The following CREB5 variants were observed in gnomAD, a reference collection of about 807,000 sequenced individuals.
The protein encoded by CREB5 is cAMP responsive element binding protein 5.
A neutral mutation model predicts 57.1 loss-of-function variants in CREB5; 19 were observed. The observed-to-expected ratio is 0.33, with a 90% CI of 0.23 to 0.49. The LOEUF (loss-of-function observed/expected upper bound fraction) is 0.49. Ranked by LOEUF, CREB5 falls within the 20% of genes least tolerant of loss-of-function variation. The pLI is 0.99. For missense variants in CREB5, 579 were observed against 671.6 expected (o/e 0.86, Z 1.52); for synonymous variants, 238 against 238.3 (o/e 1.00, Z 0.01).
At position 28,580,429 on chromosome 7, in the gene CREB5, CCA is replaced by C. The variant is rs70977058; in HGVS notation, c.464+9925_464+9926del. ...CTAGATTTGTCCCAATCCCCCCCCA[CCA>C]CACACACACACACACACACACACAC... On this transcript the variant is annotated intron_variant, in intron 5 of 10. Transcript: ENST00000357727. Among the ~76,000 whole-genome samples the C allele has an allele frequency of 1.4e-3, 188 of 130,856 alleles. 1 individual carries two copies. The highest frequency in any genetic ancestry group is 8.1e-3 in the Middle Eastern group (2 of 246). 85.8% of individuals were successfully genotyped at this position (130,856 alleles called of 152,430 possible).
chr7:28,340,181 T>G (rs115735415), intron 1 of CREB5, among the ~76,000 whole-genome samples: 1,589 of 152,222 alleles, frequency 0.01, 22 homozygotes, highest in African/African-American at 0.037. Flanking sequence ...TGTTTACACT[T>G]TACCCTGCTT....
At chr7:28,556,010 A>G (rs942907653) in intron 4 of CREB5, among the ~76,000 whole-genome samples, 6 of 152,286 alleles carry the variant, frequency 3.9e-5, no homozygotes, top group Admixed American at 2.6e-4. Context: ...TTTCACAGGA[A>G]TGAGAGGTTG....
chr7:28,800,335 G>C (rs994717837), intron 7 of CREB5, among the ~76,000 whole-genome samples: 1 of 151,994 alleles, frequency 6.6e-6, no homozygotes, highest in Non-Finnish European at 1.5e-5. Flanking sequence ...CCCATGTCTG[G>C]AGGGTGCATG....
chr7:28,658,981 G>GTGTATA (rs1799477666), intron 5 of CREB5, among the ~76,000 whole-genome samples: 3 of 90,086 alleles, frequency 3.3e-5, no homozygotes, highest in Admixed American at 1.1e-4. Context: ...ATATATATAT[G>GTGTATA]TATATATAAG....
rs563341840 is a variant in CREB5, at chr7:28,345,877, G to A, written c.-25+46436G>A. ...AACACAGGGAGTGCTGGTGATGAGG[G>A]TGGGTGGCATGGCAGGGGCTTATCC... On this transcript the variant is annotated intron_variant, in intron 1 of 9. Transcript: ENST00000396299. Among the ~76,000 whole-genome samples, 247 of 152,260 alleles carry A rather than the reference G, an allele frequency of 1.6e-3. 2 individuals carry two copies. In the South Asian group the frequency reaches 0.017, roughly 11 times the overall value.
intron 5 of CREB5, among the ~76,000 whole-genome samples, chr7:28,598,008 G>C (rs1307965704): frequency 1.4e-3 from 8 of 5,822 alleles, no homozygotes; most frequent in Non-Finnish European, 3.7e-3. Context: ...GCTAGAACTA[G>C]GATGTATTTA....
At chr7:28,487,174 G>A (rs772263115) in intron 1 of CREB5, among the ~76,000 whole-genome samples, 2 of 151,980 alleles carry the variant, frequency 1.3e-5, no homozygotes, top group African/African-American at 4.8e-5. Context: ...GCACCACCAC[G>A]CCCGGCTAAT....
At chr7:28,679,613 A>C (rs1315343025) in intron 5 of CREB5, among the ~76,000 whole-genome samples, 1 of 152,182 alleles carries the variant, frequency 6.6e-6, no homozygotes, top group African/African-American at 2.4e-5. Context: ...CCTCTACTCC[A>C]ACCCTCATCC....
chr7:28,332,849 T>G (rs1054683193), intron 1 of CREB5, among the ~76,000 whole-genome samples: 5 of 152,218 alleles, frequency 3.3e-5, no homozygotes, highest in African/African-American at 1.2e-4. Context: ...ATTCCTATAA[T>G]GTATTTAACC....
rs1054832370 is a variant in CREB5, at chr7:28,809,252, G to A, written c.1092G>A (p.Gly364=). Residue 364 remains glycine, a synonymous_variant, in exon 9 of 11, where the codon GGG becomes GGA. Coordinates refer to ENST00000357727, the MANE Select transcript of CREB5 (RefSeq NM_182898.4). ...QTIQPPQPTG[G]RRRRVVDEDP... is the part of the protein sequence containing the mutation. The stretch of plus-strand genomic sequence containing the variant: ...TACAGCCACCCCAGCCCACAGGGGG[G>A]CGCCGGCGAAGGGTGGTAGACGAGG... 6.2e-7 allele frequency: 1 copy of A among 1,614,168 alleles called. No individual in the cohort carries two copies. Among genetic ancestry groups the A allele is most frequent in the Admixed American group, 1.7e-5 (1 of 60,028 alleles).
chr7:28,729,123 T>A (rs956487485), intron 7 of CREB5, among the ~76,000 whole-genome samples: 5 of 152,182 alleles, frequency 3.3e-5, no homozygotes, highest in South Asian at 2.1e-4. Flanking sequence ...CATTAATGAA[T>A]CAATGAAAGA....
chr7:28,356,813 G>A (rs1786354550), intron 1 of CREB5, among the ~76,000 whole-genome samples: 1 of 152,184 alleles, frequency 6.6e-6, no homozygotes, highest in African/African-American at 2.4e-5. Flanking sequence ...TAGGTTTCTG[G>A]ATGCTGCCAC....
intron 9 of CREB5, among the ~76,000 whole-genome samples, chr7:28,811,567 T>C (rs971403173): frequency 1.4e-4 from 21 of 151,996 alleles, no homozygotes; most frequent in Admixed American, 1.2e-3. Flanking sequence ...GACAAGGTCT[T>C]ATTATCTTGC....
intron 5 of CREB5, among the ~76,000 whole-genome samples, chr7:28,611,845 A>C (rs986626211): frequency 6.6e-6 from 1 of 152,076 alleles, no homozygotes. Context: ...GCATTTGCCA[A>C]ATCTCATAGA....
At chr7:28,610,888 C>T (rs201289890) in intron 5 of CREB5, among the ~76,000 whole-genome samples, 13 of 147,672 alleles carry the variant, frequency 8.8e-5, no homozygotes, top group African/African-American at 3.3e-4. Flanking sequence ...CGTGTGTGTG[C>T]GTGTGTGTGT....
At chr7:28,478,211 G>T (rs901701073) in intron 1 of CREB5, among the ~76,000 whole-genome samples, 4 of 152,114 alleles carry the variant, frequency 2.6e-5, no homozygotes, top group African/African-American at 9.7e-5. Flanking sequence ...TGTGCAGAAA[G>T]GTGGGCCAAG....
At chr7:28,739,483 A>G (rs983859806) in intron 7 of CREB5, among the ~76,000 whole-genome samples, 1 of 152,236 alleles carries the variant, frequency 6.6e-6, no homozygotes, top group African/African-American at 2.4e-5. Context: ...ATAACAAGTT[A>G]TTTTTAAAAA....
In CREB5 at chr7:28,809,393, C is replaced by G. The variant is rs1402990220; in HGVS notation, c.1233C>G (p.Thr411=). Residue 411 remains threonine, a synonymous_variant, in exon 9 of 11, where the codon ACC becomes ACG. Transcript: ENST00000357727. ...MSLEKKAEEL[T]QTNMQLQNEV... ...TGGAAAAGAAAGCAGAAGAACTCAC[C>G]CAGACAAACATGCAGCTTCAGGTGC... The G allele has an allele frequency of 6.2e-7, 1 of 1,613,486 alleles. No individual in the cohort carries two copies. Among genetic ancestry groups the G allele is most frequent in the Non-Finnish European group, 8.5e-7 (1 of 1,179,746 alleles).
intron 4 of CREB5, among the ~76,000 whole-genome samples, chr7:28,544,378 T>C (rs1391283263): frequency 6.6e-6 from 1 of 152,202 alleles, no homozygotes; most frequent in Non-Finnish European, 1.5e-5. Flanking sequence ...CATTCTGAAA[T>C]GTGTGTTCCA....
Sources: allele counts gnomAD v4.1 joint callset (sites outside exome capture counted in the v4.1 genomes callset), GRCh38; gene constraint gnomAD v4.1.1; transcripts MANE v1.5; gene names NCBI Gene and HGNC (gene_info 2026-07-23, HGNC 2026-07-21).